SMYD4: variants seen among roughly 807,000 people sequenced by gnomAD.
SMYD4 encodes the protein SET and MYND domain containing 4, also known as protein-lysine N-methyltransferase SMYD4.
Under a neutral mutation model 72.8 loss-of-function variants are expected in SMYD4, and 68 were observed. The ratio of observed to expected loss-of-function variants is 0.93; its 90% CI spans 0.77 to 1.14. The LOEUF (loss-of-function observed/expected upper bound fraction) is 1.14, where lower values mean the gene tolerates loss of function less well. Among genes scored for constraint, SMYD4 ranks in the 50% most tolerant of loss-of-function variants. SMYD4 has a pLI of 0.00. For missense variants in SMYD4, 984 were observed against 1,003.7 expected (o/e 0.98, Z 0.27); for synonymous variants, 407 against 388.6 (o/e 1.05, Z -0.56).
intron 2 of SMYD4, among the ~76,000 whole-genome samples, chr17:1,822,267 A>C (rs1910932630): frequency 6.6e-6 from 1 of 152,132 alleles, no homozygotes; most frequent in South Asian, 2.1e-4. Context: ...TGCCAGAAGA[A>C]ACAGTTAATT....
chr17:1,801,561 T>C (rs1909757301), intron 4 of SMYD4, among the ~76,000 whole-genome samples: 1 of 150,974 alleles, frequency 6.6e-6, no homozygotes, highest in African/African-American at 2.4e-5. Flanking sequence ...TATTTCTATT[T>C]TTTAAGGAAA....
chr17:1,810,404 C>G (rs570475280), intron 3 of SMYD4, among the ~76,000 whole-genome samples: 1 of 152,172 alleles, frequency 6.6e-6, no homozygotes, highest in South Asian at 2.1e-4. Flanking sequence ...GGGCGTGGTG[C>G]CGCATACCTG....
At chr17:1,815,591 A>G (rs1910549267) in intron 2 of SMYD4, among the ~76,000 whole-genome samples, 1 of 149,642 alleles carries the variant, frequency 6.7e-6, no homozygotes, top group African/African-American at 2.5e-5. Context: ...CCAGAAGGTC[A>G]GGGCTACAGT....
In SMYD4 at chr17:1,829,841, G is replaced by C. The variant is rs780867376; in HGVS notation, c.-128C>G. ...CGCAGCTCCTGGCGCGCCCCTTGGC[G>C]CCCCGCTCCGCCCCGCACCGCGTCC... On this transcript the variant is annotated 5_prime_UTR_variant, in exon 1 of 11. Transcript: ENST00000305513. 6.7e-5 allele frequency: 20 copies of C among 299,486 alleles called. No individual in the cohort carries two copies. The South Asian group carries it at 3.2e-3, about 48-fold the overall frequency. 18.6% of individuals were successfully genotyped at this position (299,486 alleles called of 1,614,324 possible).
At chr17:1,804,588 G>A (rs750286146) in intron 4 of SMYD4, 38 bp downstream of exon 4, 16 of 1,585,392 alleles carry the variant, frequency 1.0e-5, no homozygotes, top group South Asian at 4.4e-5. Context: ...GAAGCCCTCC[G>A]GATCCTGTCC....
chr17:1,783,811 G>T, intron 8 of SMYD4: 2 of 372,064 alleles, frequency 5.4e-6, no homozygotes, highest in Non-Finnish European at 9.9e-6. Flanking sequence ...CATAAAGCAG[G>T]GTAAATAAAA....
At chr17:1,829,066 G>T (rs944773704) in intron 1 of SMYD4, among the ~76,000 whole-genome samples, 1 of 152,090 alleles carries the variant, frequency 6.6e-6, no homozygotes, top group Non-Finnish European at 1.5e-5. Context: ...TAATGTCCAT[G>T]CCATTGGCAC....
intron 4 of SMYD4, chr17:1,804,197 G>T (rs2151238269): frequency 5.7e-6 from 1 of 175,876 alleles, no homozygotes; most frequent in South Asian, 1.3e-4. Flanking sequence ...TTGAGATAGA[G>T]TCTCACTCTG....
intron 1 of SMYD4, 103 bp downstream of exon 1, chr17:1,829,623 G>C (rs994615065): frequency 6.6e-6 from 1 of 151,166 alleles, no homozygotes; most frequent in Non-Finnish European, 1.5e-5. Context: ...GCTTGGAGGC[G>C]GGAAGTCAGC....
intron 5 of SMYD4, among the ~76,000 whole-genome samples, chr17:1,789,282 G>A (rs774464737): frequency 7.2e-5 from 11 of 152,174 alleles, no homozygotes; most frequent in Non-Finnish European, 1.2e-4. Flanking sequence ...CAGCTACTCG[G>A]GAGGCGAGGT....
chr17:1,793,360 A>T (rs149789033), intron 5 of SMYD4, among the ~76,000 whole-genome samples: 45 of 151,248 alleles, frequency 3.0e-4, no homozygotes, highest in African/African-American at 1.0e-3. Flanking sequence ...CTTGTTCACA[A>T]TTCTGTACCC....
intron 3 of SMYD4, among the ~76,000 whole-genome samples, chr17:1,805,561 C>T (rs1288816694): frequency 6.6e-6 from 1 of 152,078 alleles, no homozygotes; most frequent in African/African-American, 2.4e-5. Context: ...CCTGTAATCC[C>T]AGCACTTTGG....
chr17:1,794,266 C>T (rs1484102601), intron 5 of SMYD4, among the ~76,000 whole-genome samples: 1 of 146,364 alleles, frequency 6.8e-6, no homozygotes, highest in Non-Finnish European at 1.5e-5. Context: ...CCCACCACCA[C>T]ACCAGGCTAA....
At chr17:1,825,459 A>T (rs1911115765) in intron 2 of SMYD4, among the ~76,000 whole-genome samples, 1 of 151,462 alleles carries the variant, frequency 6.6e-6, no homozygotes, top group Admixed American at 6.6e-5. Flanking sequence ...TTACAGGCAC[A>T]TGTCATGTTG....
At chr17:1,803,002 G>C (rs1419718532) in intron 4 of SMYD4, among the ~76,000 whole-genome samples, 1 of 152,138 alleles carries the variant, frequency 6.6e-6, no homozygotes, top group African/African-American at 2.4e-5. Context: ...AAATTAGCCG[G>C]GCGTGGTGGT....
chr17:1,800,055 C>T lies in SMYD4; in HGVS notation c.1339G>A (p.Val447Ile). 6.2e-7 allele frequency: 1 copy of T among 1,612,956 alleles called. No individual in the cohort carries two copies. The highest frequency in any genetic ancestry group is 8.5e-7 in the Non-Finnish European group (1 of 1,179,176). ...PEHKFLCALCVSALCRQLEAA... is the reference protein window; with the variant it reads ...PEHKFLCALCISALCRQLEAA... ...TCTAGCTGTCTGCACAGTGCAGAAA[C>T]ACAGAGAGCACAGAGGAATTTGTGC... The change falls in exon 5 of 11, where the codon GTT (valine) becomes ATT (isoleucine). Residue 447 changes from valine to isoleucine, a missense_variant. Val to Ile is a conservative substitution (Grantham distance 29). Transcript: ENST00000305513.
In SMYD4 at chr17:1,781,221, A is replaced by G. The variant is rs543669885; in HGVS notation, c.*65T>C. ...CAGGCGTGAGCCACCATACCTGGCCAGCAAAACCTCTTTAACTTGTGTTCC... is the reference window on the plus strand; with the variant it reads ...CAGGCGTGAGCCACCATACCTGGCCGGCAAAACCTCTTTAACTTGTGTTCC... On this transcript the variant is annotated 3_prime_UTR_variant, in exon 11 of 11. Coordinates refer to ENST00000305513, the MANE Select transcript of SMYD4 (RefSeq NM_052928.3). 7.4e-5 allele frequency: 116 copies of G among 1,564,516 alleles called. No individual in the cohort carries two copies. In the East Asian group the frequency reaches 2.6e-3, roughly 35 times the overall value.
chr17:1,802,891 C>T (rs949349161), intron 4 of SMYD4, among the ~76,000 whole-genome samples: 5 of 152,224 alleles, frequency 3.3e-5, no homozygotes, highest in African/African-American at 1.2e-4. Context: ...CAGTGGCTCA[C>T]GCCTGTAATC....
chr17:1,800,232 C>A lies in SMYD4; in HGVS notation c.1162G>T (p.Val388Phe), dbSNP rs772849567. ...DICLPESNNQ[V>F]KTLNYGLGES... The stretch of plus-strand genomic sequence containing the variant: ...CCTAGGCCATAATTAAGTGTCTTGA[C>A]CTGATTGTTGCTTTCAGGTAAACAG... The change falls in exon 5 of 11, where the codon GTC becomes TTC. Residue 388 changes from valine (V) to phenylalanine (F), a missense_variant. Val to Phe is a conservative substitution (Grantham distance 50). Coordinates refer to ENST00000305513, the MANE Select transcript of SMYD4 (RefSeq NM_052928.3). The A allele has an allele frequency of 8.1e-6, 13 of 1,614,032 alleles. No homozygotes were observed. The Admixed American group carries it at 1.8e-4, about 23-fold the overall frequency.
Sources: allele counts gnomAD v4.1 joint callset (sites outside exome capture counted in the v4.1 genomes callset), GRCh38; gene constraint gnomAD v4.1.1; transcripts MANE v1.5; gene names NCBI Gene and HGNC (gene_info 2026-07-23, HGNC 2026-07-21).